The following MROH9 variants were observed in gnomAD, a reference collection of about 807,000 sequenced individuals.
MROH9 encodes the protein maestro heat like repeat family member 9.
MROH9 carries 92 observed loss-of-function variants against 98.2 expected under a neutral mutation model. The observed-to-expected ratio is 0.94, with a 90% CI of 0.79 to 1.11. The LOEUF is 1.11. Ranked by LOEUF, MROH9 falls within the 50% of genes most tolerant of loss-of-function variation. The pLI is 0.00. For synonymous variants in MROH9, 397 were observed against 368.9 expected (o/e 1.08, Z -0.87); for missense variants, 1,057 against 1,014.8 (o/e 1.04, Z -0.57).
At chr1:171,062,609 C>T (rs1300611676) in intron 21 of MROH9, among the ~76,000 whole-genome samples, 3 of 152,198 alleles carry the variant, frequency 2.0e-5, no homozygotes, top group African/African-American at 7.2e-5. Context: ...TCAGAGAATT[C>T]ACATTTTAGT....
chr1:171,030,726 T>C (rs528133293), intron 20 of MROH9, among the ~76,000 whole-genome samples: 1 of 152,370 alleles, frequency 6.6e-6, no homozygotes, highest in East Asian at 1.9e-4. Context: ...TAGTTTAGAA[T>C]CAGTGCCATG....
intron 20 of MROH9, among the ~76,000 whole-genome samples, chr1:171,041,485 T>C (rs1446933124): frequency 6.7e-6 from 1 of 150,312 alleles, no homozygotes; most frequent in Non-Finnish European, 1.5e-5. Flanking sequence ...TGGTAACTTA[T>C]GTTGATTGCA....
In MROH9 at chr1:171,012,795, A is replaced by G. The variant is rs372953290; in HGVS notation, c.1597-1322A>G. On this transcript the variant is annotated intron_variant, in intron 15 of 21. Transcript: ENST00000367759. ...TGGGATTACAGGCATGAGCCACCGC[A>G]CCCGGCCAAAACTATCATTGTGTTT... Among the ~76,000 whole-genome samples, 279 of 152,138 alleles carry G rather than the reference A, an allele frequency of 1.8e-3. 2 individuals carry two copies. The highest frequency in any genetic ancestry group is 0.017 in the Middle Eastern group (5 of 292).
intron 14 of MROH9, among the ~76,000 whole-genome samples, chr1:170,997,653 A>G (rs1571489817): frequency 6.6e-6 from 1 of 152,256 alleles, no homozygotes; most frequent in South Asian, 2.1e-4. Context: ...TGTCAGTACA[A>G]GTGTGAGGCT....
At chr1:171,017,830 G>A (rs975453728) in intron 17 of MROH9, among the ~76,000 whole-genome samples, 20 of 152,034 alleles carry the variant, frequency 1.3e-4, no homozygotes, top group Non-Finnish European at 1.2e-4. Flanking sequence ...ATCCCTCCTC[G>A]CTGGGGTCTT....
intron 17 of MROH9, among the ~76,000 whole-genome samples, chr1:171,020,136 T>TA (rs1037217437): frequency 9.2e-5 from 14 of 151,798 alleles, no homozygotes; most frequent in South Asian, 2.1e-4. Flanking sequence ...AGCCTACTGA[T>TA]AAAAAAAAGC....
intron 6 of MROH9, among the ~76,000 whole-genome samples, chr1:170,962,350 A>C (rs1376933016): frequency 6.6e-6 from 1 of 152,152 alleles, no homozygotes; most frequent in Non-Finnish European, 1.5e-5. Context: ...CTTCTTCCTC[A>C]TCAACTCAGG....
chr1:171,040,755 C>A (rs954975349), intron 20 of MROH9, among the ~76,000 whole-genome samples: 1 of 152,018 alleles, frequency 6.6e-6, no homozygotes, highest in African/African-American at 2.4e-5. Context: ...AGGAGAGTGT[C>A]TAGCATATGG....
At chr1:171,021,902 G>GAAA (rs531816242) in intron 17 of MROH9, among the ~76,000 whole-genome samples, 1 of 129,672 alleles carries the variant, frequency 7.7e-6, no homozygotes, top group Admixed American at 7.8e-5. Context: ...AAATTTACAA[G>GAAA]AAAAAAAAAA....
intron 1 of MROH9, among the ~76,000 whole-genome samples, chr1:170,939,341 G>T (rs1649025637): frequency 6.6e-6 from 1 of 152,200 alleles, no homozygotes; most frequent in African/African-American, 2.4e-5. Flanking sequence ...CTACAGGGAG[G>T]ATTGCACTGC....
At chr1:170,990,233 G>A (rs927332047) in intron 11 of MROH9, among the ~76,000 whole-genome samples, 1 of 152,292 alleles carries the variant, frequency 6.6e-6, no homozygotes, top group Non-Finnish European at 1.5e-5. Flanking sequence ...CACAAGATAT[G>A]ACCAATGTCA....
Position 171,007,333 on chromosome 1 carries a change from ACAGAATC to A in MROH9, c.1597-6778_1597-6772del, listed in dbSNP as rs1651994169. Among the ~76,000 whole-genome samples, 5 of 152,274 alleles carry A rather than the reference ACAGAATC, an allele frequency of 3.3e-5. No homozygotes were observed. The South Asian group carries it at 1.0e-3, about 32-fold the overall frequency. ...GTTGTCTCTGGAATGAGGGTCCACT[ACAGAATC>A]CAGAAACAACAGACCTATTACCAAG... On this transcript the variant is annotated intron_variant, in intron 15 of 21. Transcript: ENST00000367759.
At chr1:171,048,634 C>G (rs72712609) in intron 20 of MROH9, among the ~76,000 whole-genome samples, 1 of 152,166 alleles carries the variant, frequency 6.6e-6, no homozygotes, top group Non-Finnish European at 1.5e-5. Flanking sequence ...ACTTGATGCT[C>G]TGCCCCCTGT....
intron 20 of MROH9, among the ~76,000 whole-genome samples, chr1:171,052,522 G>A (rs1447367460): frequency 1.3e-5 from 2 of 152,188 alleles, no homozygotes; most frequent in Non-Finnish European, 2.9e-5. Context: ...ATATGTCCAG[G>A]TATAGAGCGA....
At chr1:170,944,887 T>C (rs1649264212) in intron 1 of MROH9, among the ~76,000 whole-genome samples, 1 of 152,038 alleles carries the variant, frequency 6.6e-6, no homozygotes. Flanking sequence ...CTGAATATGA[T>C]GTATGATGGG....
rs185690251 is a variant in MROH9 at position 171,012,711 on chromosome 1, T to G, written c.1597-1406T>G. Among the ~76,000 whole-genome samples the G allele has an allele frequency of 4.9e-4, 74 of 152,048 alleles. No individual in the cohort carries two copies. In the East Asian group the frequency reaches 6.0e-3, roughly 12 times the overall value. ...GTAGAGACGGGGTTTCACCATGTTA[T>G]CCAGGATGGTCTCGATCTTCTGACA... On this transcript the variant is annotated intron_variant, in intron 15 of 21. Transcript: ENST00000367759.
chr1:171,062,345 A>T (rs114403355), intron 21 of MROH9, among the ~76,000 whole-genome samples, 151 bp downstream of exon 21: 1 of 152,216 alleles, frequency 6.6e-6, no homozygotes, highest in East Asian at 1.9e-4. Context: ...GGAAGAATCA[A>T]TGAAAGGACT....
chr1:171,009,034 A>G (rs28367551), intron 15 of MROH9, among the ~76,000 whole-genome samples: 9,624 of 149,634 alleles, frequency 0.064, 360 homozygotes, highest in African/African-American at 0.076. Flanking sequence ...AAATATAAGG[A>G]TTTTAAAATA....
chr1:170,983,494 T>C lies in MROH9; in HGVS notation c.689T>C (p.Leu230Pro), dbSNP rs1256801043. The C allele has an allele frequency of 3.1e-6, 5 of 1,613,168 alleles. No homozygotes were observed. The highest frequency in any genetic ancestry group is 3.4e-6 in the Non-Finnish European group (4 of 1,179,478). Residue 230 changes from leucine (L) to proline (P), a missense_variant, in exon 9 of 22, where the codon CTA (leucine) becomes CCA (proline). Transcript: ENST00000367759. ...LQFPSSDVEF[L>P]PKEFQQDESK... Reference sequence around the variant, plus strand: ...TTTCCTTCTTCTGATGTAGAATTTCTACCCAAGGAGTTTCAACAAGACGAA... The same window carrying C: ...TTTCCTTCTTCTGATGTAGAATTTCCACCCAAGGAGTTTCAACAAGACGAA...
Sources: allele counts gnomAD v4.1 joint callset (sites outside exome capture counted in the v4.1 genomes callset), GRCh38; gene constraint gnomAD v4.1.1; transcripts MANE v1.5; gene names NCBI Gene and HGNC (gene_info 2026-07-23, HGNC 2026-07-21).